The following LRRIQ1 variants were observed in gnomAD, a reference collection of about 807,000 sequenced individuals.
The protein encoded by LRRIQ1 is leucine-rich repeat- and IQ domain-containing protein 1.
LRRIQ1 carries 210 observed loss-of-function variants against 211.9 expected under a neutral mutation model. That is an observed-to-expected ratio of 0.99 (90% CI 0.89 to 1.11). The LOEUF is 1.11. LRRIQ1 is among the 50% of genes most tolerant of loss of function. The probability of loss-of-function intolerance (pLI) is 0.00; values close to 1 mark genes in which losing one functional copy is unlikely to be tolerated. For synonymous variants in LRRIQ1, 699 were observed against 650.1 expected (o/e 1.08, Z -1.14); for missense variants, 2,136 against 1,939.5 (o/e 1.10, Z -1.90).
chr12:85,236,143 A>G (rs950582691), intron 26 of LRRIQ1, among the ~76,000 whole-genome samples: 2 of 152,180 alleles, frequency 1.3e-5, no homozygotes, highest in Non-Finnish European at 2.9e-5. Context: ...AGATCCAAAT[A>G]TGAAAGGTAA....
chr12:85,270,020 G>A, the LRRIQ1 span, among the ~76,000 whole-genome samples: 2 of 151,698 alleles, frequency 1.3e-5, no homozygotes, highest in African/African-American at 4.8e-5. Flanking sequence ...CCCTTTCAAG[G>A]TGATTAATCC....
intron 24 of LRRIQ1, among the ~76,000 whole-genome samples, chr12:85,189,701 A>G (rs915901438): frequency 1.3e-5 from 2 of 150,242 alleles, no homozygotes; most frequent in African/African-American, 4.9e-5. Flanking sequence ...GCAAAAACCT[A>G]CATATGGTAC....
At chr12:85,243,949 T>C (rs1337789306) in intron 26 of LRRIQ1, among the ~76,000 whole-genome samples, 2 of 151,538 alleles carry the variant, frequency 1.3e-5, no homozygotes, top group African/African-American at 4.8e-5. Flanking sequence ...CATCAAACAT[T>C]AAGAACAATG....
chr12:85,172,152 A>G (rs1366523976), intron 24 of LRRIQ1, among the ~76,000 whole-genome samples: 1 of 152,178 alleles, frequency 6.6e-6, no homozygotes, highest in Non-Finnish European at 1.5e-5. Context: ...CCAAAGCTTC[A>G]CAGAGAAAGT....
intron 24 of LRRIQ1, among the ~76,000 whole-genome samples, chr12:85,221,222 A>G (rs1479951178): frequency 1.3e-5 from 2 of 152,164 alleles, no homozygotes; most frequent in Admixed American, 6.6e-5. Context: ...ATGTTTAGAC[A>G]TATGTTATCC....
intron 6 of LRRIQ1, 42 bp downstream of exon 6, chr12:85,047,512 C>A: frequency 1.3e-6 from 2 of 1,490,728 alleles, no homozygotes; most frequent in Non-Finnish European, 1.9e-6. Context: ...AAATCAGTAG[C>A]TACCTCTGAA....
At chr12:85,037,376 C>G (rs1276915217) in intron 1 of LRRIQ1, among the ~76,000 whole-genome samples, 2 of 151,316 alleles carry the variant, frequency 1.3e-5, no homozygotes, top group East Asian at 3.9e-4. Context: ...GCTTTGTAGG[C>G]ATAAAAAAAA....
chr12:85,195,862 A>G (rs954096949), intron 24 of LRRIQ1, among the ~76,000 whole-genome samples: 10 of 152,106 alleles, frequency 6.6e-5, no homozygotes, highest in Non-Finnish European at 1.2e-4. Flanking sequence ...AGGGTATTCA[A>G]TTAGGAAAAG....
intron 1 of LRRIQ1, among the ~76,000 whole-genome samples, chr12:85,250,844 TTA>T (rs1386343774): frequency 1.2e-5 from 1 of 81,868 alleles, no homozygotes; most frequent in Admixed American, 1.8e-4. Context: ...ATATATTATA[TTA>T]TATATAATAT....
At chr12:85,197,994 ATATATAACATATATAATATATTATATTAT>A in intron 24 of LRRIQ1, among the ~76,000 whole-genome samples, 1 of 59,518 alleles carries the variant, frequency 1.7e-5, no homozygotes, top group South Asian at 4.6e-4. Context: ...ATTATATATT[ATATATAACATATATAATATATTATATTAT>A]TATATATAAC....
In LRRIQ1 at chr12:85,113,943, G is replaced by A. The variant is rs1887376502; in HGVS notation, c.3377+7328G>A. Among the ~76,000 whole-genome samples, 3 of 151,354 alleles carry A rather than the reference G, an allele frequency of 2.0e-5. No homozygotes were observed. The South Asian group carries it at 6.2e-4, about 32-fold the overall frequency. On this transcript the variant is annotated intron_variant, in intron 15 of 26. Coordinates refer to ENST00000393217, the MANE Select transcript of LRRIQ1 (RefSeq NM_001079910.2). Reference sequence around the variant, plus strand: ...TGTGTGTGTGTGTGTGTGTGTGTGTGTGTGAAAGGCCACCTAAATGTGTTT... The same window carrying A: ...TGTGTGTGTGTGTGTGTGTGTGTGTATGTGAAAGGCCACCTAAATGTGTTT...
chr12:85,100,452 A>G (rs748418140), intron 13 of LRRIQ1, among the ~76,000 whole-genome samples: 8 of 151,822 alleles, frequency 5.3e-5, no homozygotes, highest in Admixed American at 6.6e-5. Context: ...TTTTCTATTT[A>G]TAATTTTGTT....
intron 24 of LRRIQ1, among the ~76,000 whole-genome samples, chr12:85,192,551 T>G (rs1330001357): frequency 8.5e-6 from 1 of 118,138 alleles, no homozygotes; most frequent in African/African-American, 3.4e-5. Context: ...ATATATATAG[T>G]TATATAATAT....
intron 19 of LRRIQ1, among the ~76,000 whole-genome samples, chr12:85,148,221 G>A (rs1355459282): frequency 1.3e-5 from 2 of 151,532 alleles, no homozygotes; most frequent in Non-Finnish European, 2.9e-5. Flanking sequence ...TGCAGAACAT[G>A]CAGATTTGTT....
chr12:85,257,223 C>G (rs1896145644), intron 1 of LRRIQ1, among the ~76,000 whole-genome samples: 1 of 5,590 alleles, frequency 1.8e-4, no homozygotes, highest in Non-Finnish European at 4.5e-4. Context: ...AGACTGGTTT[C>G]AAAGGAACAT....
At chr12:85,197,557 T>G (rs535549467) in intron 24 of LRRIQ1, among the ~76,000 whole-genome samples, 4 of 151,082 alleles carry the variant, frequency 2.6e-5, no homozygotes, top group Non-Finnish European at 4.4e-5. Flanking sequence ...AAATCATCAT[T>G]CTCAGTAAAC....
At chr12:85,206,473 G>T (rs903037479) in intron 24 of LRRIQ1, among the ~76,000 whole-genome samples, 1 of 152,118 alleles carries the variant, frequency 6.6e-6, no homozygotes, top group Non-Finnish European at 1.5e-5. Flanking sequence ...TAAGGGGTGG[G>T]TATGCTTGCA....
Position 85,113,055 on chromosome 12 carries a change from C to A in LRRIQ1, c.3377+6440C>A, listed in dbSNP as rs571793875. On this transcript the variant is annotated intron_variant, in intron 15 of 26. Coordinates refer to ENST00000393217, the MANE Select transcript of LRRIQ1 (RefSeq NM_001079910.2). ...TATACTTTAGTCCTTCACCATGTGC[C>A]CTTTGGATGCATATGGTCAATTCTC... is the stretch of plus-strand genomic sequence containing the variant. Among the ~76,000 whole-genome samples, 10 of 152,160 alleles carry A rather than the reference C, an allele frequency of 6.6e-5. No individual in the cohort carries two copies. In the East Asian group the frequency reaches 1.9e-3, roughly 29 times the overall value.
At chr12:85,096,863 A>G (rs561396023) in intron 11 of LRRIQ1, among the ~76,000 whole-genome samples, 3 of 152,290 alleles carry the variant, frequency 2.0e-5, no homozygotes, top group African/African-American at 7.2e-5. Flanking sequence ...GTATGTATTT[A>G]GGGTAATTAT....
Sources: gnomAD v4.1 joint callset for allele counts (sites outside exome capture counted in the v4.1 genomes callset) on GRCh38, gnomAD v4.1.1 for gene constraint, MANE v1.5 for transcripts, NCBI Gene and HGNC (gene_info 2026-07-23, HGNC 2026-07-21) for gene names.